Variants in BCL7C observed in about 807,000 individuals in gnomAD.
The protein encoded by BCL7C is BAF chromatin remodeling complex subunit BCL7C, also known as B-cell CLL/lymphoma 7 protein family member C.
In BCL7C, 8 loss-of-function variants were observed where a neutral mutation model predicts 26.2. The observed-to-expected ratio is 0.30, with a 90% confidence interval of 0.18 to 0.55. The LOEUF (loss-of-function observed/expected upper bound fraction) is 0.55. Among genes scored for constraint, BCL7C ranks in the 20% least tolerant of loss-of-function variants. The pLI, the probability that BCL7C is intolerant of heterozygous loss-of-function variation, is 0.93. For synonymous variants in BCL7C, 90 were observed against 116.5 expected, an observed-to-expected ratio of 0.77 and a Z score of 1.47; for missense variants, 262 against 298.5, an observed-to-expected ratio of 0.88 and a Z score of 0.90.
rs1259125574 is a variant in BCL7C, at chr16:30,893,333, G to T, written c.93-43C>A. ...GCTGGGTCAGAGAGGCCTGAGGGGAGACCCACCCCCCTAGGAGCTGGACAC... is the reference window on the plus strand; with the variant it reads ...GCTGGGTCAGAGAGGCCTGAGGGGATACCCACCCCCCTAGGAGCTGGACAC... On this transcript the variant is annotated intron_variant, in intron 1 of 5. Transcript: ENST00000215115. The surrounding 1 kb of genome is among the most constrained non-coding windows in gnomAD (Gnocchi z 5.2). 1.3e-6 allele frequency: 2 copies of T among 1,542,078 alleles called. No homozygotes were observed. Among genetic ancestry groups the T allele is most frequent in the East Asian group, 2.3e-5 (1 of 44,128 alleles).
chr16:30,892,609 G>A lies in BCL7C; in HGVS notation c.419C>T (p.Pro140Leu). ...ACCTCTCTCTTGGCCCAGCCGTGGG[G>A]GCTGAGCCTCCTCAGGGACCCCTTC... The part of the protein sequence containing the change: ...PPEGVPEEAQ[P>L]PRLGQERDPG... Residue 140 changes from proline (P) to leucine (L), a missense_variant, in exon 4 of 6, where the codon CCC becomes CTC. Physicochemically the swap from Pro to Leu is moderately conservative, Grantham distance 98 (BLOSUM62 -3). Transcript: ENST00000215115. The A allele has an allele frequency of 1.9e-6, 3 of 1,592,512 alleles. No homozygotes were observed.
chr16:30,865,829 C>T (rs1051818467), intron 5 of BCL7C, among the ~76,000 whole-genome samples: 4 of 148,810 alleles, frequency 2.7e-5, no homozygotes, highest in South Asian at 4.2e-4. Flanking sequence ...CAGGTTCAAG[C>T]GATTCTCCTG....
chr16:30,878,255 G>A (rs1022701497), intron 5 of BCL7C, among the ~76,000 whole-genome samples: 6 of 152,170 alleles, frequency 3.9e-5, no homozygotes, highest in Admixed American at 3.9e-4. Flanking sequence ...GTGGGGCCGG[G>A]TGTGGTGGCT....
intron 5 of BCL7C, among the ~76,000 whole-genome samples, chr16:30,845,372 C>G (rs755762912): frequency 1.3e-5 from 2 of 152,226 alleles, no homozygotes; most frequent in African/African-American, 2.4e-5. Context: ...CTCGCTGAGT[C>G]TGCATGCTCT....
In BCL7C at chr16:30,893,977, G is replaced by T. The variant is rs573944099; in HGVS notation, c.-33C>A. On this transcript the variant is annotated 5_prime_UTR_variant, in exon 1 of 6. Transcript: ENST00000215115. The surrounding 1 kb of genome is among the most constrained non-coding windows in gnomAD (Gnocchi z 5.2). ...GGGCTGGGGCCGGGGCCGAGCCCGC[G>T]GCGGGGCCGCCTCCCGTCCGGCGGG... The T allele has an allele frequency of 6.3e-4, 748 of 1,194,976 alleles. 10 individuals are homozygous for T. The East Asian group carries it at 0.025, about 39-fold the overall frequency. 74.0% of individuals were successfully genotyped at this position (1,194,976 alleles called of 1,614,324 possible).
At chr16:30,861,419 AG>A (rs1567313111) in intron 5 of BCL7C, among the ~76,000 whole-genome samples, 1 of 152,178 alleles carries the variant, frequency 6.6e-6, no homozygotes, top group Admixed American at 6.5e-5. Context: ...CTCCTCCCCC[AG>A]GATCTTGCTT....
chr16:30,864,758 G>A (rs565547836), intron 5 of BCL7C, among the ~76,000 whole-genome samples: 45 of 152,092 alleles, frequency 3.0e-4, no homozygotes, highest in Admixed American at 6.6e-5. Flanking sequence ...ATCCACAAGT[G>A]AAAATAGCCT....
chr16:30,850,209 C>CAAA (rs778231654), intron 5 of BCL7C, among the ~76,000 whole-genome samples: 1 of 86,558 alleles, frequency 1.2e-5, no homozygotes. Flanking sequence ...GACTCCATCT[C>CAAA]AAAAAAAAAA....
intron 5 of BCL7C, among the ~76,000 whole-genome samples, chr16:30,857,444 C>T (rs780976730): frequency 1.3e-5 from 2 of 150,960 alleles, no homozygotes; most frequent in Admixed American, 1.3e-4. Flanking sequence ...AAGGAGTCAG[C>T]GGATAGGTCA....
In BCL7C at chr16:30,839,860, G is replaced by A. The variant is rs150800719; in HGVS notation, c.529-4712C>T. Among the ~76,000 whole-genome samples the A allele has an allele frequency of 1.1e-4, 17 of 152,316 alleles. No individual in the cohort carries two copies. The East Asian group carries it at 1.9e-3, about 17-fold the overall frequency. ...GTTGTGGCTTTAAGCTGCTAAATGCGTAGTAATTTGTTATGCAGCAATAGG... is the reference window on the plus strand; with the variant it reads ...GTTGTGGCTTTAAGCTGCTAAATGCATAGTAATTTGTTATGCAGCAATAGG... On this transcript the variant is annotated intron_variant, in intron 5 of 5. Coordinates refer to the BCL7C transcript ENST00000380317.
chr16:30,852,333 C>T (rs900834544), intron 5 of BCL7C: 10 of 151,434 alleles, frequency 6.6e-5, no homozygotes, highest in African/African-American at 2.2e-4. Flanking sequence ...CTAAAATAAA[C>T]GTAAAATAAA....
intron 5 of BCL7C, chr16:30,851,599 C>A: frequency 2.3e-6 from 1 of 438,294 alleles, no homozygotes; most frequent in South Asian, 3.0e-5. Flanking sequence ...ATAACTGGGC[C>A]CTTTCTGTTG....
At chr16:30,850,948 G>A (rs940798805) in intron 5 of BCL7C, among the ~76,000 whole-genome samples, 6 of 152,106 alleles carry the variant, frequency 3.9e-5, no homozygotes, top group African/African-American at 9.7e-5. Flanking sequence ...ATGTAATTGC[G>A]GTTTCGCACC....
At chr16:30,859,330 A>G (rs751164782) in intron 5 of BCL7C, among the ~76,000 whole-genome samples, 3 of 152,190 alleles carry the variant, frequency 2.0e-5, no homozygotes, top group Non-Finnish European at 4.4e-5. Context: ...GAAAATCCTA[A>G]TAACAGTCCC....
chr16:30,873,085 T>A (rs1338394611), intron 5 of BCL7C, among the ~76,000 whole-genome samples: 1 of 11,654 alleles, frequency 8.6e-5, no homozygotes, highest in African/African-American at 1.6e-4. Flanking sequence ...TGGAACTAGG[T>A]GTATTCAAAA....
intron 5 of BCL7C, among the ~76,000 whole-genome samples, chr16:30,850,070 C>T (rs963399154): frequency 4.0e-5 from 6 of 151,818 alleles, no homozygotes; most frequent in South Asian, 2.1e-4. Flanking sequence ...ATCAGCTGGG[C>T]ATGGTGGCAG....
chr16:30,893,244 TGAA>T lies in BCL7C; in HGVS notation c.136_138del (p.Phe46del). 2 of 1,613,642 alleles carry T rather than the reference TGAA, an allele frequency of 1.2e-6. No individual in the cohort carries two copies. Among genetic ancestry groups the T allele is most frequent in the Non-Finnish European group, 1.7e-6 (2 of 1,179,736 alleles). ...TGGGGATCCACCACTGGCACCCACT[TGAA>T]GATACGAAGGGAAGTGTCGCCCACA... On this transcript the variant is annotated inframe_deletion, in exon 2 of 6. Transcript: ENST00000215115. The surrounding 1 kb of genome is among the most constrained non-coding windows in gnomAD (Gnocchi z 5.2).
intron 5 of BCL7C, among the ~76,000 whole-genome samples, chr16:30,853,090 C>T (rs1228867993): frequency 3.3e-5 from 5 of 151,512 alleles, no homozygotes; most frequent in Admixed American, 3.3e-4. Context: ...CATGCGCCAC[C>T]ACGCCCAGCT....
At chr16:30,856,298 G>C (rs926964463) in intron 5 of BCL7C, among the ~76,000 whole-genome samples, 2 of 151,700 alleles carry the variant, frequency 1.3e-5, no homozygotes, top group African/African-American at 4.8e-5. Flanking sequence ...AAAATGAGCT[G>C]AGCATGGTGG....
Sources: gnomAD v4.1 joint callset for allele counts (sites outside exome capture counted in the v4.1 genomes callset) on GRCh38, gnomAD v4.1.1 for gene constraint, Gnocchi (gnomAD v3.1) non-coding constraint, MANE v1.5 for transcripts, NCBI Gene and HGNC (gene_info 2026-07-23, HGNC 2026-07-21) for gene names.